Variants in PTPRR observed in about 807,000 individuals in gnomAD.
PTPRR encodes the protein protein tyrosine phosphatase receptor type R, also known as receptor-type tyrosine-protein phosphatase R.
A neutral mutation model predicts 77.2 loss-of-function variants in PTPRR; 38 were observed. That is an observed-to-expected ratio of 0.49 (90% CI 0.38 to 0.65). The LOEUF is 0.65. Ranked by LOEUF, PTPRR falls within the 30% of genes least tolerant of loss-of-function variation. PTPRR has a pLI of 0.00. For missense variants in PTPRR, 744 were observed against 799.2 expected (o/e 0.93, Z 0.83); for synonymous variants, 299 against 283.1 (o/e 1.06, Z -0.57).
intron 2 of PTPRR, among the ~76,000 whole-genome samples, chr12:70,816,550 G>A (rs1478253772): frequency 6.6e-6 from 1 of 151,320 alleles, no homozygotes; most frequent in Non-Finnish European, 1.5e-5. Context: ...TTTTATTTTT[G>A]GTAAGTTTTA....
At chr12:70,745,098 T>C (rs1890170986) in intron 6 of PTPRR, among the ~76,000 whole-genome samples, 1 of 152,082 alleles carries the variant, frequency 6.6e-6, no homozygotes. Context: ...AGAGTTTCAC[T>C]CTGTTGCCAA....
At chr12:70,785,415 C>G (rs1891300873) in intron 2 of PTPRR, among the ~76,000 whole-genome samples, 1 of 152,080 alleles carries the variant, frequency 6.6e-6, no homozygotes, top group Non-Finnish European at 1.5e-5. Context: ...GTGATAAAAA[C>G]TTTTCTTTCA....
At chr12:70,723,834 G>C (rs1410315395) in intron 6 of PTPRR, among the ~76,000 whole-genome samples, 2 of 152,182 alleles carry the variant, frequency 1.3e-5, no homozygotes, top group East Asian at 3.9e-4. Flanking sequence ...TGAATCTGAA[G>C]TTTTATTTTT....
At chr12:70,817,952 G>A (rs1299008531) in intron 2 of PTPRR, among the ~76,000 whole-genome samples, 2 of 152,108 alleles carry the variant, frequency 1.3e-5, no homozygotes, top group Admixed American at 6.6e-5. Context: ...AGCGGCTCAC[G>A]CCTGTAATCC....
At chr12:70,706,319 A>C (rs1383896962) in intron 6 of PTPRR, among the ~76,000 whole-genome samples, 2 of 152,118 alleles carry the variant, frequency 1.3e-5, no homozygotes, top group Non-Finnish European at 2.9e-5. Context: ...AGGAAAGTTA[A>C]ATTGTGACAT....
intron 2 of PTPRR, among the ~76,000 whole-genome samples, chr12:70,790,312 T>C (rs1246422937): frequency 6.6e-6 from 1 of 152,182 alleles, no homozygotes; most frequent in Non-Finnish European, 1.5e-5. Context: ...CTACATCCAA[T>C]GTTCAATCCT....
intron 10 of PTPRR, chr12:70,672,129 A>G: frequency 7.1e-7 from 1 of 1,408,796 alleles, no homozygotes; most frequent in Non-Finnish European, 1.0e-6. Context: ...CAGTTCCTAG[A>G]GCAGGGAGAG....
chr12:70,737,693 A>G (rs1889917862), intron 6 of PTPRR, among the ~76,000 whole-genome samples: 1 of 151,886 alleles, frequency 6.6e-6, no homozygotes, highest in Non-Finnish European at 1.5e-5. Flanking sequence ...CTAATTTGTT[A>G]AAAAATTTTT....
chr12:70,875,897 G>T (rs1478306283), intron 2 of PTPRR, among the ~76,000 whole-genome samples: 1 of 152,112 alleles, frequency 6.6e-6, no homozygotes, highest in African/African-American at 2.4e-5. Context: ...CCAAGTAACT[G>T]ATACACATGA....
intron 12 of PTPRR, among the ~76,000 whole-genome samples, chr12:70,659,505 A>T (rs1367110732): frequency 1.3e-5 from 2 of 152,108 alleles, no homozygotes; most frequent in African/African-American, 4.8e-5. Context: ...GAAAAAAGAT[A>T]GTCTCATTCT....
chr12:70,870,589 C>T (rs1336413757), intron 2 of PTPRR, among the ~76,000 whole-genome samples: 4 of 152,198 alleles, frequency 2.6e-5, no homozygotes, highest in African/African-American at 9.6e-5. Flanking sequence ...GCTTCCGGCA[C>T]TGTTAAAACG....
At chr12:70,669,832 A>T (rs7969657) in intron 10 of PTPRR, among the ~76,000 whole-genome samples, 59,838 of 151,964 alleles carry the variant, frequency 0.39, 14,428 homozygotes, top group African/African-American at 0.66. Flanking sequence ...ATTCCTGGCC[A>T]CAAGTGATCC....
intron 2 of PTPRR, chr12:70,788,816 C>A: frequency 1.3e-6 from 2 of 1,516,000 alleles, no homozygotes; most frequent in Non-Finnish European, 1.8e-6. Flanking sequence ...ATTATCTCAC[C>A]TGTTTGGAAA....
chr12:70,859,557 G>A (rs1371838298), intron 2 of PTPRR, among the ~76,000 whole-genome samples: 1 of 151,964 alleles, frequency 6.6e-6, no homozygotes, highest in East Asian at 1.9e-4. Flanking sequence ...GATTTATAAT[G>A]AATAGAATAG....
intron 1 of PTPRR, among the ~76,000 whole-genome samples, chr12:70,898,271 G>T (rs1158720482): frequency 2.0e-5 from 3 of 149,018 alleles, no homozygotes; most frequent in Non-Finnish European, 4.5e-5. Flanking sequence ...TAGGGATTAT[G>T]AAGTTTTTGC....
At chr12:70,868,208 G>A (rs1213102146) in intron 2 of PTPRR, among the ~76,000 whole-genome samples, 4 of 152,066 alleles carry the variant, frequency 2.6e-5, no homozygotes, top group African/African-American at 7.2e-5. Flanking sequence ...AAACTAAAGA[G>A]CTTCTGCACA....
At chr12:70,800,234 C>T (rs1184020148) in intron 2 of PTPRR, among the ~76,000 whole-genome samples, 1 of 151,988 alleles carries the variant, frequency 6.6e-6, no homozygotes, top group Non-Finnish European at 1.5e-5. Context: ...CCTTTCCCCC[C>T]TACCCACTGC....
At chr12:70,819,588 T>G (rs777623957) in intron 2 of PTPRR, among the ~76,000 whole-genome samples, 24 of 152,210 alleles carry the variant, frequency 1.6e-4, no homozygotes, top group Non-Finnish European at 3.2e-4. Context: ...TATTCTCTCA[T>G]GGAAATCTCT....
intron 2 of PTPRR, among the ~76,000 whole-genome samples, chr12:70,782,061 A>C (rs1470350394): frequency 6.6e-6 from 1 of 152,202 alleles, no homozygotes; most frequent in Admixed American, 6.5e-5. Flanking sequence ...ATTGATAGTG[A>C]GTGAGAAAAG....
Sources: allele counts gnomAD v4.1 joint callset (sites outside exome capture counted in the v4.1 genomes callset), GRCh38; gene constraint gnomAD v4.1.1; transcripts MANE v1.5; gene names NCBI Gene and HGNC (gene_info 2026-07-23, HGNC 2026-07-21).